PPP2R2B: variants seen among roughly 807,000 people sequenced by gnomAD.
PPP2R2B encodes the protein serine/threonine-protein phosphatase 2A 55 kDa regulatory subunit B beta isoform.
In PPP2R2B, 5 loss-of-function variants were observed where a neutral mutation model predicts 46.0. The ratio of observed to expected loss-of-function variants is 0.11; its 90% CI spans 0.06 to 0.23. The LOEUF is 0.23. PPP2R2B is among the 10% of genes least tolerant of loss of function. PPP2R2B has a pLI of 1.00. For synonymous variants in PPP2R2B, 215 were observed against 206.7 expected, an observed-to-expected ratio of 1.04 and a Z score of -0.34; for missense variants, 367 against 575.0, an observed-to-expected ratio of 0.64 and a Z score of 3.70.
In PPP2R2B at chr5:147,000,010, C is replaced by CA. The variant is rs886070447; in HGVS notation, c.79+55654dup. On this transcript the variant is annotated intron_variant, in intron 1 of 8. Coordinates refer to the PPP2R2B transcript ENST00000336640. ...AGATGGGACCTGAATACCTGCATTCCAAAAAAAAATTCTCAGGTGCTACTA... is the reference window on the plus strand; with the variant it reads ...AGATGGGACCTGAATACCTGCATTCCAAAAAAAAAATTCTCAGGTGCTACTA... 1.5e-4 allele frequency among the ~76,000 whole-genome samples: 22 copies of CA among 151,312 alleles called. 1 individual carries two copies. Among genetic ancestry groups the CA allele is most frequent in the Middle Eastern group, 3.4e-3 (1 of 294 alleles).
chr5:146,590,063 C>T lies in PPP2R2B; in HGVS notation c.1216G>A (p.Val406Ile). ...GGKRRKDEIS[V>I]DSLDFSKKIL... The stretch of plus-strand genomic sequence containing the variant: ...TTTTTGCTAAAGTCCAGACTGTCGA[C>T]ACTGATCTCGTCTTTTCTCCGCTTG... Residue 406 changes from valine (V) to isoleucine (I), a missense_variant, in exon 10 of 10, where the codon GTC becomes ATC. Val to Ile is a conservative substitution (Grantham distance 29). This residue lies in a region of PPP2R2B where 361 missense variants were observed against 545.5 expected (regional missense o/e 0.66). Coordinates refer to ENST00000394411, the MANE Select transcript of PPP2R2B (RefSeq NM_181675.4). 6.2e-7 allele frequency: 1 copy of T among 1,614,132 alleles called. No individual in the cohort carries two copies. The highest frequency in any genetic ancestry group is 1.1e-5 in the South Asian group (1 of 91,082).
At chr5:146,929,306 C>T (rs1203823840) in intron 1 of PPP2R2B, among the ~76,000 whole-genome samples, 1 of 152,136 alleles carries the variant, frequency 6.6e-6, no homozygotes, top group African/African-American at 2.4e-5. Context: ...GACTTTTGTT[C>T]AGTGACATAT....
At chr5:146,675,038 C>A (rs907668519) in intron 5 of PPP2R2B, among the ~76,000 whole-genome samples, 1 of 152,202 alleles carries the variant, frequency 6.6e-6, no homozygotes, top group Non-Finnish European at 1.5e-5. Flanking sequence ...TCTCAGCTCA[C>A]TGCAACCTCC....
intron 1 of PPP2R2B, among the ~76,000 whole-genome samples, chr5:147,046,122 C>T (rs1012603421): frequency 1.2e-4 from 18 of 152,112 alleles, no homozygotes; most frequent in African/African-American, 4.3e-4. Flanking sequence ...TACCTGTGAA[C>T]CCATCACCCA....
chr5:146,850,429 A>T (rs1760273486), intron 2 of PPP2R2B, among the ~76,000 whole-genome samples: 1 of 152,172 alleles, frequency 6.6e-6, no homozygotes, highest in African/African-American at 2.4e-5. Flanking sequence ...AAAATGGCTC[A>T]TATATTTTTG....
At chr5:147,000,507 C>G (rs1427417791) in intron 1 of PPP2R2B, among the ~76,000 whole-genome samples, 1 of 152,052 alleles carries the variant, frequency 6.6e-6, no homozygotes, top group Non-Finnish European at 1.5e-5. Context: ...TTTTCCTTAT[C>G]CATGAAGTCA....
At chr5:146,593,221 G>C (rs1404871748) in intron 8 of PPP2R2B, among the ~76,000 whole-genome samples, 159 bp from the exon 9 acceptor site, 2 of 152,338 alleles carry the variant, frequency 1.3e-5, no homozygotes, top group Middle Eastern at 3.4e-3. Flanking sequence ...CCTTTTAGCT[G>C]TAGGACATTA....
intron 5 of PPP2R2B, among the ~76,000 whole-genome samples, chr5:146,689,586 G>A (rs917973914): frequency 6.6e-6 from 1 of 152,178 alleles, no homozygotes; most frequent in Non-Finnish European, 1.5e-5. Context: ...ACCCAATGAT[G>A]CATTTCTCAG....
At chr5:146,751,914 T>C (rs576162297) in intron 2 of PPP2R2B, among the ~76,000 whole-genome samples, 1 of 152,108 alleles carries the variant, frequency 6.6e-6, no homozygotes, top group East Asian at 1.9e-4. Context: ...TTGGCCTATT[T>C]GTGGGTAGCA....
chr5:147,054,866 C>T (rs1010367060), intron 1 of PPP2R2B, among the ~76,000 whole-genome samples: 2 of 152,150 alleles, frequency 1.3e-5, no homozygotes, highest in Non-Finnish European at 2.9e-5. Context: ...TAGGATATGT[C>T]AGATCTAAAA....
At chr5:146,671,830 C>T (rs909877020) in intron 5 of PPP2R2B, among the ~76,000 whole-genome samples, 6 of 152,236 alleles carry the variant, frequency 3.9e-5, no homozygotes, top group Middle Eastern at 3.4e-3. Context: ...CTGGTGTGAT[C>T]AGAAAAGGAG....
chr5:146,600,166 T>C, intron 8 of PPP2R2B, 125 bp downstream of exon 8: 1 of 994,636 alleles, frequency 1.0e-6, no homozygotes. Context: ...TGTACCATTT[T>C]ACTGAATGTA....
At chr5:146,680,286 A>G (rs1219434121) in intron 5 of PPP2R2B, among the ~76,000 whole-genome samples, 2 of 150,034 alleles carry the variant, frequency 1.3e-5, no homozygotes, top group East Asian at 4.0e-4. Context: ...TCAGTAAACT[A>G]TCGCAAGAAC....
intron 2 of PPP2R2B, among the ~76,000 whole-genome samples, chr5:146,823,035 A>G (rs1015097033): frequency 2.0e-5 from 3 of 152,054 alleles, no homozygotes; most frequent in Non-Finnish European, 4.4e-5. Context: ...GGCAAAAGGG[A>G]CTGTTTGGAG....
intron 5 of PPP2R2B, among the ~76,000 whole-genome samples, chr5:146,683,918 T>G (rs1458497429): frequency 6.6e-6 from 1 of 152,206 alleles, no homozygotes; most frequent in African/African-American, 2.4e-5. Flanking sequence ...CATGCCAGCA[T>G]TCACTTTCAG....
At chr5:146,653,374 A>G (rs552069020) in intron 5 of PPP2R2B, among the ~76,000 whole-genome samples, 2 of 152,298 alleles carry the variant, frequency 1.3e-5, no homozygotes, top group African/African-American at 4.8e-5. Flanking sequence ...AGAAACCTCA[A>G]TTAGGTGTTG....
rs996672271 is a variant in PPP2R2B, at chr5:146,593,025, T to G, written c.998A>C (p.Tyr333Ser). The change falls in exon 9 of 10, where the codon TAT (tyrosine) becomes TCT (serine). Residue 333 changes from tyrosine to serine, a missense_variant. Coordinates refer to ENST00000394411, the MANE Select transcript of PPP2R2B (RefSeq NM_181675.4). ...TTTATCAAAAATGCAGTCATTTTCA[T>G]AGAGGGAACACAGCTTGCTGCGGAG... ...DYLRSKLCSL[Y>S]ENDCIFDKFE... 6.2e-7 allele frequency: 1 copy of G among 1,614,010 alleles called. No individual in the cohort carries two copies. The highest frequency in any genetic ancestry group is 8.5e-7 in the Non-Finnish European group (1 of 1,179,862).
Position 147,077,908 on chromosome 5 carries a change from A to G in PPP2R2B, c.50+3151T>C, listed in dbSNP as rs141572124. Among the ~76,000 whole-genome samples the G allele has an allele frequency of 3.5e-3, 540 of 152,316 alleles. 1 individual carries two copies. The highest frequency in any genetic ancestry group is 4.8e-3 in the Non-Finnish European group (328 of 68,026). ...CTTCAGTTCACGTGTATTCATAATG[A>G]TCGTCTAAGGGCATATGTGTAAAAT... On this transcript the variant is annotated intron_variant, in intron 2 of 10. Transcript: ENST00000394413.
At chr5:147,055,921 C>T (rs2151905523) in exon 1 of PPP2R2B, 2 of 1,429,870 alleles carry the variant, frequency 1.4e-6, no homozygotes, top group Non-Finnish European at 9.1e-7. Flanking sequence ...CCATCAGCGC[C>T]AGGAAGCACT....
Sources: allele counts gnomAD v4.1 joint callset (sites outside exome capture counted in the v4.1 genomes callset), GRCh38; gene constraint gnomAD v4.1.1; regional missense constraint gnomAD v4.1.1; transcripts MANE v1.5; gene names NCBI Gene and HGNC (gene_info 2026-07-23, HGNC 2026-07-21).